The following AP3S2 variants were observed in gnomAD, a reference collection of about 807,000 sequenced individuals.
The protein encoded by AP3S2 is AP-3 complex subunit sigma-2.
In AP3S2, 22 loss-of-function variants were observed where a neutral mutation model predicts 23.4. That is an observed-to-expected ratio of 0.94 (90% CI 0.67 to 1.34). The LOEUF (loss-of-function observed/expected upper bound fraction) is 1.34, where lower values mean the gene tolerates loss of function less well. Among genes scored for constraint, AP3S2 ranks in the 40% most tolerant of loss-of-function variants. The pLI is 0.00. For missense variants in AP3S2, 241 were observed against 236.9 expected, an observed-to-expected ratio of 1.02 and a Z score of -0.11; for synonymous variants, 86 against 87.1, an observed-to-expected ratio of 0.99 and a Z score of 0.07.
At chr15:89,889,402 T>C in intron 1 of AP3S2, 1 of 381,178 alleles carries the variant, frequency 2.6e-6, no homozygotes, top group East Asian at 4.6e-5. Flanking sequence ...ATAGGTAAGC[T>C]GATATTTAAA....
intron 4 of AP3S2, among the ~76,000 whole-genome samples, chr15:89,858,132 G>C (rs1005766371): frequency 6.6e-6 from 1 of 152,038 alleles, no homozygotes; most frequent in Non-Finnish European, 1.5e-5. Context: ...AGGGTTCTTA[G>C]TTAGGAATCA....
chr15:89,886,369 A>T (rs1455612308), intron 3 of AP3S2: 1 of 152,196 alleles, frequency 6.6e-6, no homozygotes, highest in Admixed American at 6.5e-5. Flanking sequence ...ATAAAAAAGT[A>T]AAAAAAGTTA....
intron 4 of AP3S2, among the ~76,000 whole-genome samples, chr15:89,869,737 C>T (rs914205786): frequency 2.6e-5 from 4 of 151,776 alleles, no homozygotes; most frequent in Non-Finnish European, 5.9e-5. Flanking sequence ...AAAGTAACAC[C>T]TTGTATTTAA....
At chr15:89,891,002 G>A (rs935421295) in intron 1 of AP3S2, among the ~76,000 whole-genome samples, 2 of 152,148 alleles carry the variant, frequency 1.3e-5, no homozygotes, top group Non-Finnish European at 2.9e-5. Flanking sequence ...TGTAGGAGAC[G>A]AACTCTATAT....
At chr15:89,857,335 T>C (rs1333964284) in intron 4 of AP3S2, among the ~76,000 whole-genome samples, 3 of 152,222 alleles carry the variant, frequency 2.0e-5, no homozygotes, top group Non-Finnish European at 4.4e-5. Flanking sequence ...TATCTCTATA[T>C]TTAGCGCAGT....
At chr15:89,868,841 G>A (rs1350256136) in intron 4 of AP3S2, among the ~76,000 whole-genome samples, 1 of 136,672 alleles carries the variant, frequency 7.3e-6, no homozygotes, top group Non-Finnish European at 1.6e-5. Flanking sequence ...CCCCCTGCCC[G>A]GCCAGCTGCC....
intron 4 of AP3S2, among the ~76,000 whole-genome samples, chr15:89,843,533 G>A (rs1307319560): frequency 1.3e-5 from 2 of 152,124 alleles, no homozygotes; most frequent in Non-Finnish European, 2.9e-5. Flanking sequence ...AGCTACTCAG[G>A]AGGCTGAGGC....
intron 1 of AP3S2, among the ~76,000 whole-genome samples, chr15:89,890,621 T>C (rs534857854): frequency 9.2e-5 from 14 of 152,212 alleles, no homozygotes; most frequent in South Asian, 2.1e-4. Context: ...GATGCAAGTC[T>C]AGTAAGCACC....
At chr15:89,838,567 T>C (rs1301034353) in intron 4 of AP3S2, among the ~76,000 whole-genome samples, 2 of 152,196 alleles carry the variant, frequency 1.3e-5, no homozygotes, top group Admixed American at 1.3e-4. Context: ...AGATGCCCAC[T>C]GTGGTTCATA....
rs962034595 is a variant in AP3S2, at chr15:89,834,338, G to C, written c.*1177C>G. The C allele has an allele frequency of 6.6e-6, 1 of 152,268 alleles. No individual in the cohort carries two copies. The highest frequency in any genetic ancestry group is 1.5e-5 in the Non-Finnish European group (1 of 68,056). 9.4% of individuals were successfully genotyped at this position (152,268 alleles called of 1,614,324 possible). ...TGAGGAGAATGTATTTTAAACTTGG[G>C]AAGAGTCATAATTCTGGGATGTTTC... On this transcript the variant is annotated 3_prime_UTR_variant, in exon 6 of 6. Coordinates refer to ENST00000336418, the MANE Select transcript of AP3S2 (RefSeq NM_005829.5).
intron 3 of AP3S2, among the ~76,000 whole-genome samples, chr15:89,887,914 G>A (rs909810829): frequency 7.2e-5 from 11 of 152,236 alleles, no homozygotes; most frequent in African/African-American, 1.9e-4. Context: ...CAAGTGATCC[G>A]CCCGCCTTGG....
At chr15:89,848,083 C>T (rs558660567) in intron 4 of AP3S2, among the ~76,000 whole-genome samples, 1 of 152,324 alleles carries the variant, frequency 6.6e-6, no homozygotes, top group African/African-American at 2.4e-5. Context: ...CCATAGAAAC[C>T]TCTAATCTAG....
intron 3 of AP3S2, among the ~76,000 whole-genome samples, chr15:89,886,306 C>T (rs1896700379): frequency 1.3e-5 from 2 of 152,020 alleles, no homozygotes; most frequent in African/African-American, 2.4e-5. Context: ...GATCGTGCCA[C>T]TGCACTCTAG....
chr15:89,850,445 TCACTCTAAG>T (rs1187734829), intron 4 of AP3S2, among the ~76,000 whole-genome samples: 1 of 152,180 alleles, frequency 6.6e-6, no homozygotes, highest in East Asian at 1.9e-4. Flanking sequence ...AGCATTAGAA[TCACTCTAAG>T]CACTCTACGA....
chr15:89,883,727 A>C (rs1381783785), intron 3 of AP3S2, among the ~76,000 whole-genome samples: 1 of 152,174 alleles, frequency 6.6e-6, no homozygotes, highest in East Asian at 1.9e-4. Context: ...TTCACCCTTG[A>C]GATAACATTG....
intron 4 of AP3S2, among the ~76,000 whole-genome samples, chr15:89,857,326 A>T (rs1278907885): frequency 6.6e-6 from 1 of 151,830 alleles, no homozygotes; most frequent in Admixed American, 6.6e-5. Flanking sequence ...ATATCTTTGT[A>T]TCTCTATATT....
intron 4 of AP3S2, among the ~76,000 whole-genome samples, chr15:89,857,547 T>C (rs1895871103): frequency 6.6e-6 from 1 of 152,304 alleles, no homozygotes; most frequent in East Asian, 1.9e-4. Context: ...TTATTTTAAG[T>C]CATCTTAAAT....
chr15:89,838,280 C>T (rs1160651574), intron 4 of AP3S2, among the ~76,000 whole-genome samples: 2 of 152,230 alleles, frequency 1.3e-5, no homozygotes, highest in East Asian at 3.8e-4. Context: ...GCCTGTGCTC[C>T]ACTGAAGGGA....
chr15:89,837,540 A>T, intron 5 of AP3S2, 75 bp downstream of exon 5: 1 of 1,559,804 alleles, frequency 6.4e-7, no homozygotes, highest in Non-Finnish European at 8.8e-7. Context: ...AACACAAACC[A>T]ACACATGTAC....
Sources: gnomAD v4.1 joint callset for allele counts (sites outside exome capture counted in the v4.1 genomes callset) on GRCh38, gnomAD v4.1.1 for gene constraint, MANE v1.5 for transcripts, NCBI Gene and HGNC (gene_info 2026-07-23, HGNC 2026-07-21) for gene names.